SIAH3: variants seen among roughly 807,000 people sequenced by gnomAD.
SIAH3 encodes the protein seven in absentia homolog 3.
SIAH3 carries 9 observed loss-of-function variants against 12.6 expected under a neutral mutation model. That is an observed-to-expected ratio of 0.72 (90% CI 0.43 to 1.25). The LOEUF is 1.25. Among genes scored for constraint, SIAH3 ranks in the 50% most tolerant of loss-of-function variants. The probability of loss-of-function intolerance (pLI) is 0.00; values close to 1 mark genes in which losing one functional copy is unlikely to be tolerated. For missense variants in SIAH3, 390 were observed against 365.4 expected, an observed-to-expected ratio of 1.07 and a Z score of -0.55; for synonymous variants, 154 against 151.1, an observed-to-expected ratio of 1.02 and a Z score of -0.14.
At chr13:45,798,848 A>G (rs1051733160) in intron 1 of SIAH3, among the ~76,000 whole-genome samples, 4 of 152,246 alleles carry the variant, frequency 2.6e-5, no homozygotes, top group African/African-American at 9.6e-5. Flanking sequence ...TCCAAGTGCA[A>G]ATTGTCTTAT....
At chr13:45,807,643 A>C (rs1161404289) in intron 1 of SIAH3, among the ~76,000 whole-genome samples, 1 of 152,182 alleles carries the variant, frequency 6.6e-6, no homozygotes, top group Non-Finnish European at 1.5e-5. Context: ...CCTAGAGAAG[A>C]CTCAGTGTAA....
chr13:45,835,667 G>A (rs928181880), intron 1 of SIAH3, among the ~76,000 whole-genome samples: 1 of 152,180 alleles, frequency 6.6e-6, no homozygotes, highest in Non-Finnish European at 1.5e-5. Context: ...TGTGACTCCA[G>A]AGACCAGCAC....
At position 45,816,643 on chromosome 13, in the gene SIAH3, C is replaced by T. The variant is rs139170739; in HGVS notation, c.136-32586G>A. Reference sequence around the variant, plus strand: ...TCACTGCACTGTGCACCTTGGCCGCCTTGCTGCTGCGCTCAGGCTGCCCTC... The same window carrying T: ...TCACTGCACTGTGCACCTTGGCCGCTTTGCTGCTGCGCTCAGGCTGCCCTC... On this transcript the variant is annotated intron_variant, in intron 1 of 1. Coordinates refer to ENST00000400405, the MANE Select transcript of SIAH3 (RefSeq NM_198849.3). Among the ~76,000 whole-genome samples the T allele has an allele frequency of 3.3e-3, 504 of 152,326 alleles. 2 individuals carry two copies. Among genetic ancestry groups the T allele is most frequent in the African/African-American group, 0.012 (493 of 41,570 alleles).
intron 1 of SIAH3, among the ~76,000 whole-genome samples, chr13:45,838,465 C>T (rs1415718479): frequency 6.6e-6 from 1 of 152,150 alleles, no homozygotes; most frequent in African/African-American, 2.4e-5. Flanking sequence ...CTCATCAGCC[C>T]TCCTGCTTAC....
At chr13:45,784,405 T>G (rs1950519142) in intron 1 of SIAH3, among the ~76,000 whole-genome samples, 2 of 149,412 alleles carry the variant, frequency 1.3e-5, no homozygotes, top group Admixed American at 6.9e-5. Flanking sequence ...GCTGTTTTTT[T>G]TTTTTTTTTT....
Position 45,847,015 on chromosome 13 carries a change from CT to C in SIAH3, c.135+4479del, listed in dbSNP as rs377379044. On this transcript the variant is annotated intron_variant, in intron 1 of 1. Transcript: ENST00000400405. ...AGGCTGCAAAGCCTTTAGAATAATGCTCGCACAGTGACCACCACCAGCTTGG... is the reference window on the plus strand; with the variant it reads ...AGGCTGCAAAGCCTTTAGAATAATGCCGCACAGTGACCACCACCAGCTTGG... Among the ~76,000 whole-genome samples the C allele has an allele frequency of 3.8e-3, 586 of 152,326 alleles. 2 individuals carry two copies. The highest frequency in any genetic ancestry group is 0.013 in the African/African-American group (559 of 41,562).
At chr13:45,824,706 A>G (rs1254843921) in intron 1 of SIAH3, among the ~76,000 whole-genome samples, 1 of 152,186 alleles carries the variant, frequency 6.6e-6, no homozygotes. Context: ...TTTGTGGTAT[A>G]ATTTGTTAAA....
chr13:45,806,735 T>C (rs1205042737), intron 1 of SIAH3, among the ~76,000 whole-genome samples: 1 of 152,076 alleles, frequency 6.6e-6, no homozygotes, highest in Non-Finnish European at 1.5e-5. Flanking sequence ...AGAAAATAAA[T>C]AAAAATTTAA....
chr13:45,791,380 A>C (rs1950545200), intron 1 of SIAH3, among the ~76,000 whole-genome samples: 1 of 152,176 alleles, frequency 6.6e-6, no homozygotes, highest in Non-Finnish European at 1.5e-5. Context: ...TGCTTGAATG[A>C]ATGAATGAAT....
intron 1 of SIAH3, among the ~76,000 whole-genome samples, chr13:45,841,368 A>G (rs1950739544): frequency 6.6e-6 from 1 of 152,084 alleles, no homozygotes; most frequent in Non-Finnish European, 1.5e-5. Flanking sequence ...TCCCTCTCCA[A>G]GGGGCTGCAG....
At chr13:45,790,220 C>T (rs944043129) in intron 1 of SIAH3, among the ~76,000 whole-genome samples, 2 of 152,168 alleles carry the variant, frequency 1.3e-5, no homozygotes, top group Non-Finnish European at 2.9e-5. Flanking sequence ...ACACAGAAGC[C>T]TTGAGTCTTG....
intron 1 of SIAH3, among the ~76,000 whole-genome samples, chr13:45,834,335 G>T (rs1358972128): frequency 1.3e-5 from 2 of 152,142 alleles, no homozygotes; most frequent in Non-Finnish European, 2.9e-5. Context: ...GAAAGAAAAG[G>T]CTGTCCGATT....
In SIAH3 at chr13:45,777,555, G is replaced by C. The variant is rs781631796; in HGVS notation, c.*5828C>G. ...GTTCATGTGATGACCTGATTTGGGGGGAAATTAATGTTTATCTACACTAGA... is the reference window on the plus strand; with the variant it reads ...GTTCATGTGATGACCTGATTTGGGGCGAAATTAATGTTTATCTACACTAGA... On this transcript the variant is annotated 3_prime_UTR_variant, in exon 2 of 2. Transcript: ENST00000400405. 2 of 151,936 alleles carry C rather than the reference G, an allele frequency of 1.3e-5. No individual in the cohort carries two copies. Among genetic ancestry groups the C allele is most frequent in the African/African-American group, 2.4e-5 (1 of 41,346 alleles). The allele number at this position is 151,936 out of a possible 1,614,324, so 9.4% of individuals were successfully genotyped here. A position where few individuals can be genotyped will look rare whatever the true frequency, so the allele number is the denominator to read the frequency against.
intron 1 of SIAH3, among the ~76,000 whole-genome samples, chr13:45,833,821 G>A (rs569271673): frequency 2.0e-5 from 3 of 152,086 alleles, no homozygotes; most frequent in African/African-American, 4.8e-5. Flanking sequence ...CAAGCATGGC[G>A]ATGACTCACC....
At chr13:45,826,693 A>G (rs376345390) in intron 1 of SIAH3, among the ~76,000 whole-genome samples, 3 of 152,282 alleles carry the variant, frequency 2.0e-5, no homozygotes, top group Admixed American at 6.5e-5. Flanking sequence ...GTTAAACATG[A>G]AAATCTGCTC....
At chr13:45,819,328 G>A (rs984901353) in intron 1 of SIAH3, among the ~76,000 whole-genome samples, 11 of 152,198 alleles carry the variant, frequency 7.2e-5, no homozygotes, top group Non-Finnish European at 1.6e-4. Context: ...TACAGGATGG[G>A]AGGAGCGTTT....
intron 1 of SIAH3, among the ~76,000 whole-genome samples, chr13:45,792,476 GC>G (rs1005869979): frequency 1.9e-4 from 29 of 151,782 alleles, no homozygotes; most frequent in African/African-American, 6.5e-4. Context: ...TCCTGCCTCA[GC>G]CTCCCAAGTA....
intron 1 of SIAH3, among the ~76,000 whole-genome samples, chr13:45,793,447 G>A (rs1950552772): frequency 6.6e-6 from 1 of 152,104 alleles, no homozygotes; most frequent in African/African-American, 2.4e-5. Context: ...TTCTAACTAG[G>A]ACAGGTCTGT....
At chr13:45,838,044 T>G (rs1268567657) in intron 1 of SIAH3, among the ~76,000 whole-genome samples, 1 of 152,196 alleles carries the variant, frequency 6.6e-6, no homozygotes, top group Non-Finnish European at 1.5e-5. Context: ...GCCTCAAACT[T>G]TTTTGAAAAG....
Sources: gnomAD v4.1 joint callset for allele counts (sites outside exome capture counted in the v4.1 genomes callset) on GRCh38, gnomAD v4.1.1 for gene constraint, MANE v1.5 for transcripts, NCBI Gene and HGNC (gene_info 2026-07-23, HGNC 2026-07-21) for gene names.